The following GRM8 variants were observed in gnomAD, a reference collection of about 807,000 sequenced individuals.
GRM8 encodes glutamate metabotropic receptor 8, also known as metabotropic glutamate receptor 8.
Under a neutral mutation model 87.2 loss-of-function variants are expected in GRM8, and 47 were observed. That is an observed-to-expected ratio of 0.54 (90% CI 0.43 to 0.69). The LOEUF (loss-of-function observed/expected upper bound fraction) is 0.69. GRM8 is among the 30% of genes least tolerant of loss of function. The pLI is 0.00. For synonymous variants in GRM8, 396 were observed against 404.5 expected (o/e 0.98, Z 0.25); for missense variants, 1,019 against 1,139.2 (o/e 0.89, Z 1.52).
At chr7:126,562,303 C>G (rs1793793488) in intron 8 of GRM8, among the ~76,000 whole-genome samples, 1 of 152,074 alleles carries the variant, frequency 6.6e-6, no homozygotes, top group African/African-American at 2.4e-5. Flanking sequence ...AAGGCATCAC[C>G]AAAACCTTGT....
intron 3 of GRM8, among the ~76,000 whole-genome samples, chr7:126,977,191 A>G (rs930587012): frequency 6.6e-6 from 1 of 152,084 alleles, no homozygotes; most frequent in Non-Finnish European, 1.5e-5. Context: ...TACAAGAAAA[A>G]CCTTCAGAAA....
chr7:126,923,854 G>A (rs1804803966), intron 3 of GRM8, among the ~76,000 whole-genome samples: 1 of 152,164 alleles, frequency 6.6e-6, no homozygotes, highest in Non-Finnish European at 1.5e-5. Context: ...AAGAGAAGAG[G>A]TTTGAGAAAG....
chr7:126,808,403 TCTCAA>T (rs1792977646), intron 6 of GRM8, among the ~76,000 whole-genome samples: 2 of 152,228 alleles, frequency 1.3e-5, no homozygotes, highest in South Asian at 4.1e-4. Flanking sequence ...AAGAAAAATC[TCTCAA>T]TTCAGATCTG....
chr7:127,012,490 A>C (rs1814991917), intron 3 of GRM8, among the ~76,000 whole-genome samples: 1 of 152,124 alleles, frequency 6.6e-6, no homozygotes, highest in Admixed American at 6.6e-5. Flanking sequence ...ATGTGAAAAA[A>C]ATTTAAATAC....
At chr7:126,587,184 A>C (rs978089603) in intron 8 of GRM8, among the ~76,000 whole-genome samples, 4 of 152,166 alleles carry the variant, frequency 2.6e-5, no homozygotes, top group Admixed American at 2.0e-4. Context: ...ACAACAGGTG[A>C]TGGAGAGGAT....
chr7:126,869,554 G>A (rs1365956229), intron 6 of GRM8: 1 of 152,162 alleles, frequency 6.6e-6, no homozygotes, highest in Non-Finnish European at 1.5e-5. Context: ...TTGCAGAATG[G>A]ATACTGTGTT....
intron 6 of GRM8, among the ~76,000 whole-genome samples, chr7:126,791,070 C>T (rs1821242505): frequency 1.3e-5 from 2 of 152,056 alleles, no homozygotes. Flanking sequence ...AATGTACATC[C>T]TAAAGTGCCT....
intron 2 of GRM8, among the ~76,000 whole-genome samples, chr7:127,161,143 C>T (rs1377995762): frequency 2.0e-5 from 3 of 152,156 alleles, no homozygotes; most frequent in South Asian, 2.1e-4. Flanking sequence ...AGAAGAAACG[C>T]GACTATACAA....
chr7:127,237,228 A>G (rs1365537701), intron 2 of GRM8, among the ~76,000 whole-genome samples: 2 of 152,170 alleles, frequency 1.3e-5, no homozygotes, highest in African/African-American at 4.8e-5. Flanking sequence ...AAACCCTGCT[A>G]CAGTACCAAA....
chr7:127,140,049 G>C (rs1306989959), intron 2 of GRM8, among the ~76,000 whole-genome samples: 1 of 152,110 alleles, frequency 6.6e-6, no homozygotes, highest in African/African-American at 2.4e-5. Flanking sequence ...CTCTAGTCAA[G>C]TCATGTTTTG....
intron 7 of GRM8, among the ~76,000 whole-genome samples, chr7:126,766,972 T>G (rs1427242394): frequency 6.6e-6 from 1 of 152,176 alleles, no homozygotes; most frequent in Non-Finnish European, 1.5e-5. Flanking sequence ...TGTGTGTAAG[T>G]CTGCAGATTG....
intron 7 of GRM8, among the ~76,000 whole-genome samples, chr7:126,630,006 C>A (rs996116243): frequency 1.3e-5 from 2 of 151,940 alleles, no homozygotes; most frequent in Non-Finnish European, 2.9e-5. Context: ...TGATTATTTT[C>A]TGCCAAAATG....
chr7:126,714,489 G>C (rs1811505423), intron 7 of GRM8, among the ~76,000 whole-genome samples: 1 of 151,976 alleles, frequency 6.6e-6, no homozygotes, highest in South Asian at 2.1e-4. Flanking sequence ...TGAATAATTT[G>C]CTTAATGTCA....
chr7:126,989,928 G>A (rs1428300658), intron 3 of GRM8, among the ~76,000 whole-genome samples: 1 of 151,900 alleles, frequency 6.6e-6, no homozygotes, highest in African/African-American at 2.4e-5. Context: ...TCCAGCCTGG[G>A]TGACAGAGCA....
intron 9 of GRM8, among the ~76,000 whole-genome samples, chr7:126,465,585 T>C (rs1402902585): frequency 6.6e-6 from 1 of 151,870 alleles, no homozygotes; most frequent in African/African-American, 2.4e-5. Context: ...ATATTTATGC[T>C]GTTGTAAATT....
chr7:126,710,246 G>A (rs903627728), intron 7 of GRM8, among the ~76,000 whole-genome samples: 6 of 152,092 alleles, frequency 3.9e-5, no homozygotes, highest in Admixed American at 2.0e-4. Context: ...TCAGAGTGGC[G>A]GTTGCTGAAG....
rs569860430 is a variant in GRM8 at position 126,746,824 on chromosome 7, A to G, written c.1357+23041T>C. On this transcript the variant is annotated intron_variant, in intron 7 of 10. Coordinates refer to ENST00000339582, the MANE Select transcript of GRM8 (RefSeq NM_000845.3). The stretch of plus-strand genomic sequence containing the variant: ...GCTCAATAAAGCGCGAAATGTCTTG[A>G]TAACAATGATCTTTCATACAAGGAA... Among the ~76,000 whole-genome samples the G allele has an allele frequency of 4.3e-4, 65 of 151,896 alleles. 1 individual carries two copies. The highest frequency in any genetic ancestry group is 6.5e-4 in the Non-Finnish European group (44 of 67,764).
chr7:126,998,704 A>G (rs760156973), intron 3 of GRM8, among the ~76,000 whole-genome samples: 2 of 151,744 alleles, frequency 1.3e-5, no homozygotes, highest in African/African-American at 2.4e-5. Context: ...ATTAACTTAA[A>G]GAACTGAAAA....
intron 3 of GRM8, among the ~76,000 whole-genome samples, chr7:126,924,623 C>T (rs1329894116): frequency 6.6e-6 from 1 of 151,854 alleles, no homozygotes; most frequent in East Asian, 1.9e-4. Flanking sequence ...TCCCTCCTTC[C>T]TTCTTTCCTC....
Sources: allele counts gnomAD v4.1 joint callset (sites outside exome capture counted in the v4.1 genomes callset), GRCh38; gene constraint gnomAD v4.1.1; transcripts MANE v1.5; gene names NCBI Gene and HGNC (gene_info 2026-07-23, HGNC 2026-07-21).